The following PTPRQ variants were observed in gnomAD, a reference collection of about 807,000 sequenced individuals.
PTPRQ encodes protein tyrosine phosphatase receptor type Q.
In PTPRQ, 199 loss-of-function variants were observed where a neutral mutation model predicts 246.0. The observed-to-expected ratio is 0.81, with a 90% confidence interval of 0.72 to 0.91. The LOEUF (loss-of-function observed/expected upper bound fraction) is 0.91, where lower values mean the gene tolerates loss of function less well. PTPRQ is among the 40% of genes least tolerant of loss of function. The pLI, the probability that PTPRQ is intolerant of heterozygous loss-of-function variation, is 0.00. For synonymous variants in PTPRQ, 869 were observed against 853.2 expected (o/e 1.02, Z -0.32); for missense variants, 2,624 against 2,528.4 (o/e 1.04, Z -0.81).
intron 34 of PTPRQ, among the ~76,000 whole-genome samples, chr12:80,633,024 G>T (rs947608779): frequency 6.6e-6 from 1 of 152,104 alleles, no homozygotes; most frequent in African/African-American, 2.4e-5. Flanking sequence ...TCTTCCTACT[G>T]CCTCTCAGGG....
intron 30 of PTPRQ, among the ~76,000 whole-genome samples, chr12:80,616,955 TA>T (rs1045497146): frequency 4.4e-4 from 66 of 151,260 alleles, no homozygotes; most frequent in African/African-American, 1.6e-3. Flanking sequence ...AAATGTGTAA[TA>T]AAACCTTCAG....
intron 25 of PTPRQ, among the ~76,000 whole-genome samples, chr12:80,576,420 C>T (rs1436922491): frequency 1.3e-5 from 2 of 151,524 alleles, no homozygotes; most frequent in Non-Finnish European, 2.9e-5. Flanking sequence ...GGATTATAGG[C>T]GTGAGCCCCC....
intron 16 of PTPRQ, among the ~76,000 whole-genome samples, chr12:80,509,781 T>C (rs1170848164): frequency 6.6e-6 from 1 of 152,174 alleles, no homozygotes; most frequent in Non-Finnish European, 1.5e-5. Context: ...CATTCAATTT[T>C]GAAGACTGAG....
At chr12:80,607,932 A>G (rs1035611071) in intron 27 of PTPRQ, among the ~76,000 whole-genome samples, 3 of 150,856 alleles carry the variant, frequency 2.0e-5, no homozygotes, top group African/African-American at 7.3e-5. Context: ...GGTAGCTCAC[A>G]CCCTAGTGGT....
At chr12:80,675,386 A>G (rs989720588) in intron 43 of PTPRQ, among the ~76,000 whole-genome samples, 5 of 152,192 alleles carry the variant, frequency 3.3e-5, no homozygotes, top group Non-Finnish European at 7.4e-5. Flanking sequence ...TCTAATATCA[A>G]TCCAACTATT....
intron 3 of PTPRQ, among the ~76,000 whole-genome samples, chr12:80,446,722 C>T (rs1205392528): frequency 6.6e-6 from 1 of 151,078 alleles, no homozygotes; most frequent in Non-Finnish European, 1.5e-5. Context: ...AGGATATGTT[C>T]TCCAGCTCCA....
intron 8 of PTPRQ, among the ~76,000 whole-genome samples, chr12:80,478,611 G>C (rs1046595598): frequency 4.6e-5 from 7 of 152,128 alleles, no homozygotes; most frequent in African/African-American, 1.2e-4. Flanking sequence ...CAAAGGCAAA[G>C]AAGTTGAAAA....
chr12:80,454,226 C>T (rs1038192563), intron 3 of PTPRQ, among the ~76,000 whole-genome samples: 12 of 146,372 alleles, frequency 8.2e-5, no homozygotes, highest in African/African-American at 1.8e-4. Flanking sequence ...GTCGGAAAAG[C>T]GCAGTATTCG....
intron 17 of PTPRQ, among the ~76,000 whole-genome samples, chr12:80,518,838 G>T (rs941807584): frequency 6.6e-6 from 1 of 152,072 alleles, no homozygotes; most frequent in Non-Finnish European, 1.5e-5. Context: ...TGGTCTATGT[G>T]TCTGTTTTTA....
chr12:80,541,296 T>C (rs1896144255), intron 20 of PTPRQ, among the ~76,000 whole-genome samples: 1 of 151,882 alleles, frequency 6.6e-6, no homozygotes, highest in South Asian at 2.1e-4. Flanking sequence ...CTCCACATAG[T>C]AGGAAAGAAG....
Position 80,588,397 on chromosome 12 carries a change from C to A in PTPRQ, c.4554C>A (p.Thr1518=). 2 of 1,526,682 alleles carry A rather than the reference C, an allele frequency of 1.3e-6. No individual in the cohort carries two copies. The highest frequency in any genetic ancestry group is 2.5e-5 in the East Asian group (1 of 40,602). The allele number at this position is 1,526,682 out of a possible 1,614,324, so 94.6% of individuals were successfully genotyped here. A position where few individuals can be genotyped will look rare whatever the true frequency, so the allele number is the denominator to read the frequency against. Residue 1518 remains threonine (T), a synonymous_variant, in exon 26 of 45, where the codon ACC becomes ACA. Coordinates refer to ENST00000644991, the MANE Select transcript of PTPRQ (RefSeq NM_001145026.2). ...ATAGATTCCAAGTGGCTGCCAGCAC[C>A]AATGCTGGCTATGGCAATGCTTCAA... ...RWYRFQVAAS[T]NAGYGNASNW... is the part of the protein sequence containing the mutation.
intron 8 of PTPRQ, among the ~76,000 whole-genome samples, chr12:80,475,873 G>A (rs1254101727): frequency 6.6e-6 from 1 of 151,854 alleles, no homozygotes; most frequent in Non-Finnish European, 1.5e-5. Flanking sequence ...TACTACTCTT[G>A]GTTTCACTAG....
chr12:80,479,062 G>A (rs1893931802), intron 8 of PTPRQ, among the ~76,000 whole-genome samples: 1 of 151,554 alleles, frequency 6.6e-6, no homozygotes, highest in Admixed American at 6.6e-5. Context: ...GCAACTCCAA[G>A]ACACATAATT....
chr12:80,598,170 T>A (rs558660057), intron 26 of PTPRQ, among the ~76,000 whole-genome samples: 1 of 151,994 alleles, frequency 6.6e-6, no homozygotes, highest in African/African-American at 2.4e-5. Context: ...GACAAATTCT[T>A]AGGCTTACTG....
At chr12:80,543,859 G>A (rs1489577808) in intron 23 of PTPRQ, among the ~76,000 whole-genome samples, 1 of 152,086 alleles carries the variant, frequency 6.6e-6, no homozygotes, top group Non-Finnish European at 1.5e-5. Context: ...AACATTAAAT[G>A]ACATGAAGCC....
chr12:80,662,048 T>C (rs1900650484), intron 39 of PTPRQ, among the ~76,000 whole-genome samples: 1 of 151,946 alleles, frequency 6.6e-6, no homozygotes, highest in Non-Finnish European at 1.5e-5. Context: ...TATTCAAACT[T>C]ACTGCCTTCT....
At chr12:80,632,047 A>T in intron 33 of PTPRQ, 145 bp from the exon 34 acceptor site, 1 of 1,139,638 alleles carries the variant, frequency 8.8e-7, no homozygotes, top group Non-Finnish European at 1.2e-6. Flanking sequence ...ATCTAGGAGA[A>T]GAGGAACAAA....
At chr12:80,482,130 C>G (rs993794371) in intron 8 of PTPRQ, among the ~76,000 whole-genome samples, 4 of 152,104 alleles carry the variant, frequency 2.6e-5, no homozygotes, top group Admixed American at 6.6e-5. Flanking sequence ...AACTATACTA[C>G]AAGGCTACAG....
At chr12:80,604,357 G>A (rs1435732955) in intron 26 of PTPRQ, among the ~76,000 whole-genome samples, 1 of 151,454 alleles carries the variant, frequency 6.6e-6, no homozygotes, top group Non-Finnish European at 1.5e-5. Context: ...TTCACAAATT[G>A]AAATTGTACA....
Sources: gnomAD v4.1 joint callset for allele counts (sites outside exome capture counted in the v4.1 genomes callset) on GRCh38, gnomAD v4.1.1 for gene constraint, MANE v1.5 for transcripts, NCBI Gene and HGNC (gene_info 2026-07-23, HGNC 2026-07-21) for gene names.